GABRA2: variants seen among roughly 807,000 people sequenced by gnomAD.
GABRA2 encodes the protein gamma-aminobutyric acid receptor subunit alpha-2.
GABRA2 carries 16 observed loss-of-function variants against 48.7 expected under a neutral mutation model. That is an observed-to-expected ratio of 0.33 (90% confidence interval 0.22 to 0.50). The LOEUF (loss-of-function observed/expected upper bound fraction) is 0.50, where lower values mean the gene tolerates loss of function less well. Among genes scored for constraint, GABRA2 ranks in the 20% least tolerant of loss-of-function variants. The probability of loss-of-function intolerance (pLI) is 0.98; values close to 1 mark genes in which losing one functional copy is unlikely to be tolerated. For missense variants in GABRA2, 275 were observed against 535.6 expected, an observed-to-expected ratio of 0.51 and a Z score of 4.80; for synonymous variants, 185 against 184.5, an observed-to-expected ratio of 1.00 and a Z score of -0.02.
chr4:46,337,483 T>C (rs576045037), intron 3 of GABRA2, among the ~76,000 whole-genome samples: 2 of 152,114 alleles, frequency 1.3e-5, no homozygotes, highest in Admixed American at 6.6e-5. Context: ...ATGTTGTCTT[T>C]ATATACATGG....
chr4:46,382,193 C>T (rs902542045), intron 3 of GABRA2, among the ~76,000 whole-genome samples: 78 of 148,424 alleles, frequency 5.3e-4, no homozygotes, highest in African/African-American at 8.9e-4. Flanking sequence ...CACACACACA[C>T]ATATATATAT....
intron 3 of GABRA2, among the ~76,000 whole-genome samples, chr4:46,340,892 T>G (rs2109853141): frequency 6.6e-6 from 1 of 152,128 alleles, no homozygotes; most frequent in Admixed American, 6.6e-5. Context: ...ATGTGTTCTC[T>G]AGGTCTTTAA....
At chr4:46,273,023 C>A (rs928945706) in intron 8 of GABRA2, among the ~76,000 whole-genome samples, 2 of 150,686 alleles carry the variant, frequency 1.3e-5, no homozygotes, top group Non-Finnish European at 2.9e-5. Flanking sequence ...TTAGGTATTT[C>A]TCCTAATGCT....
chr4:46,268,849 A>G (rs1218192785), intron 8 of GABRA2, among the ~76,000 whole-genome samples: 2 of 151,946 alleles, frequency 1.3e-5, no homozygotes, highest in South Asian at 2.1e-4. Flanking sequence ...ATGGAAAAGT[A>G]TTAGTCCTCA....
At chr4:46,268,872 A>G (rs2109390030) in intron 8 of GABRA2, among the ~76,000 whole-genome samples, 1 of 152,056 alleles carries the variant, frequency 6.6e-6, no homozygotes, top group Non-Finnish European at 1.5e-5. Context: ...AAAAGAAGAA[A>G]TTCTGTCATT....
intron 3 of GABRA2, among the ~76,000 whole-genome samples, chr4:46,335,723 G>A (rs1435737282): frequency 2.6e-5 from 4 of 151,938 alleles, no homozygotes; most frequent in African/African-American, 4.8e-5. Context: ...CACCCACCTC[G>A]GCCTCCCAAA....
intron 4 of GABRA2, among the ~76,000 whole-genome samples, chr4:46,319,801 G>C (rs891806858): frequency 8.6e-5 from 13 of 151,550 alleles, no homozygotes; most frequent in African/African-American, 2.7e-4. Flanking sequence ...TTTAACAGAA[G>C]ATAATTAAAA....
chr4:46,384,322 G>A (rs1717157196), intron 3 of GABRA2, among the ~76,000 whole-genome samples: 1 of 152,210 alleles, frequency 6.6e-6, no homozygotes, highest in African/African-American at 2.4e-5. Flanking sequence ...TTCAATATCA[G>A]AGGATTGAGG....
chr4:46,320,007 CTG>C (rs1008731781), intron 4 of GABRA2, among the ~76,000 whole-genome samples: 10 of 151,784 alleles, frequency 6.6e-5, no homozygotes, highest in African/African-American at 2.4e-4. Flanking sequence ...GTCTCAAATT[CTG>C]TGTTTCTAAA....
intron 8 of GABRA2, among the ~76,000 whole-genome samples, chr4:46,291,792 C>CATATATATATATATATAT (rs3068359): frequency 6.8e-6 from 1 of 147,570 alleles, no homozygotes; most frequent in Non-Finnish European, 1.5e-5. Context: ...TATATATATA[C>CATATATATATATATATAT]ATATACATAT....
intron 3 of GABRA2, among the ~76,000 whole-genome samples, chr4:46,340,098 A>G (rs1379472670): frequency 1.3e-5 from 2 of 151,818 alleles, no homozygotes; most frequent in Non-Finnish European, 2.9e-5. Flanking sequence ...GATAGGCACA[A>G]TCCAAAGACT....
chr4:46,260,473 A>G (rs1716734609), intron 9 of GABRA2, among the ~76,000 whole-genome samples: 1 of 151,870 alleles, frequency 6.6e-6, no homozygotes, highest in Non-Finnish European at 1.5e-5. Context: ...GAGGAGGCAT[A>G]TCATTTCAGA....
intron 4 of GABRA2, among the ~76,000 whole-genome samples, chr4:46,316,495 G>A (rs1291290287): frequency 6.6e-6 from 1 of 151,944 alleles, no homozygotes; most frequent in Non-Finnish European, 1.5e-5. Context: ...CACTGCCCTA[G>A]ACTAAATCTG....
rs200471903 is a variant in GABRA2, at chr4:46,388,710, C to T, written c.-4G>A. The T allele has an allele frequency of 6.2e-7, 1 of 1,613,978 alleles. No homozygotes were observed. The highest frequency in any genetic ancestry group is 2.2e-5 in the East Asian group (1 of 44,856). ...AGATGTTCAATTTTGTCTTCATCAC[C>T]GCCGCTCTTTACAAAGCCATGGAAT... On this transcript the variant is annotated 5_prime_UTR_variant, in exon 2 of 10. Coordinates refer to ENST00000381620, the MANE Select transcript of GABRA2 (RefSeq NM_000807.4).
intron 4 of GABRA2, among the ~76,000 whole-genome samples, chr4:46,316,814 T>C (rs1422605981): frequency 6.6e-6 from 1 of 151,994 alleles, no homozygotes; most frequent in Non-Finnish European, 1.5e-5. Context: ...TCCTTTTGGG[T>C]TGTCTGTCAT....
At chr4:46,364,036 A>G (rs1427473436) in intron 3 of GABRA2, 1 of 152,212 alleles carries the variant, frequency 6.6e-6, no homozygotes, top group Non-Finnish European at 1.5e-5. Context: ...AAAGTGTCAC[A>G]TCAATGCCAT....
chr4:46,316,096 C>T (rs1405088732), intron 4 of GABRA2, among the ~76,000 whole-genome samples: 1 of 151,838 alleles, frequency 6.6e-6, no homozygotes, highest in Non-Finnish European at 1.5e-5. Context: ...CCCTTTGATT[C>T]ATTTTTACTG....
chr4:46,281,445 A>C (rs182164786), intron 8 of GABRA2, among the ~76,000 whole-genome samples: 2 of 152,318 alleles, frequency 1.3e-5, no homozygotes, highest in African/African-American at 4.8e-5. Context: ...GGACCAGCAA[A>C]GGAGACTAAG....
intron 3 of GABRA2, chr4:46,367,418 CCTAT>C (rs1400332156): frequency 6.6e-6 from 1 of 152,064 alleles, no homozygotes; most frequent in African/African-American, 2.4e-5. Context: ...CTCTTCCTCA[CCTAT>C]CTAACTCCAT....
Sources: allele counts gnomAD v4.1 joint callset (sites outside exome capture counted in the v4.1 genomes callset), GRCh38; gene constraint gnomAD v4.1.1; transcripts MANE v1.5; gene names NCBI Gene and HGNC (gene_info 2026-07-23, HGNC 2026-07-21).